Variants in CACHD1 observed in about 807,000 individuals in gnomAD.
CACHD1 encodes VWFA and cache domain-containing protein 1.
In CACHD1, 71 loss-of-function variants were observed where a neutral mutation model predicts 138.7. The observed-to-expected ratio is 0.51, with a 90% CI of 0.42 to 0.62. The LOEUF (loss-of-function observed/expected upper bound fraction) is 0.62, where lower values mean the gene tolerates loss of function less well. Among genes scored for constraint, CACHD1 ranks in the 20% least tolerant of loss-of-function variants. CACHD1 has a pLI of 0.00. For synonymous variants in CACHD1, 578 were observed against 591.5 expected, an observed-to-expected ratio of 0.98 and a Z score of 0.33; for missense variants, 1,389 against 1,625.3, an observed-to-expected ratio of 0.85 and a Z score of 2.50.
chr1:64,479,859 A>G (rs1557456125), intron 1 of CACHD1, among the ~76,000 whole-genome samples: 1 of 152,184 alleles, frequency 6.6e-6, no homozygotes, highest in Non-Finnish European at 1.5e-5. Context: ...GCTTGTGCCC[A>G]AGTTCCTTGT....
chr1:64,491,955 T>TA (rs397974661), intron 1 of CACHD1, among the ~76,000 whole-genome samples: 3 of 151,338 alleles, frequency 2.0e-5, no homozygotes, highest in African/African-American at 7.3e-5. Flanking sequence ...GTTTTTTTTT[T>TA]ATTAATAAAA....
intron 3 of CACHD1, among the ~76,000 whole-genome samples, chr1:64,590,322 C>CAAAA (rs67217249): frequency 7.0e-5 from 6 of 86,204 alleles, no homozygotes; most frequent in Non-Finnish European, 1.2e-4. Context: ...GACTCTGTCT[C>CAAAA]AAAAAAAAAA....
chr1:64,499,965 G>A (rs1165114594), intron 1 of CACHD1, among the ~76,000 whole-genome samples: 1 of 152,238 alleles, frequency 6.6e-6, no homozygotes, highest in Non-Finnish European at 1.5e-5. Context: ...ACACCTGGCT[G>A]AGGATAGGCT....
At chr1:64,522,548 C>G (rs1379276469) in intron 1 of CACHD1, among the ~76,000 whole-genome samples, 1 of 119,126 alleles carries the variant, frequency 8.4e-6, no homozygotes, top group African/African-American at 2.5e-5. Context: ...AGTGATCCGC[C>G]TGCCCGCTTC....
chr1:64,634,702 AATTG>A (rs1446192736), intron 7 of CACHD1, among the ~76,000 whole-genome samples: 1 of 152,132 alleles, frequency 6.6e-6, no homozygotes, highest in Non-Finnish European at 1.5e-5. Context: ...ATTAAAAAAA[AATTG>A]ATTGGGGGCG....
chr1:64,512,045 A>G (rs1646424797), intron 1 of CACHD1, among the ~76,000 whole-genome samples: 1 of 152,168 alleles, frequency 6.6e-6, no homozygotes, highest in Non-Finnish European at 1.5e-5. Flanking sequence ...GGTAGAAATT[A>G]TTATTCACAC....
chr1:64,621,502 A>T (rs1647913531), intron 4 of CACHD1, among the ~76,000 whole-genome samples: 1 of 152,178 alleles, frequency 6.6e-6, no homozygotes, highest in Non-Finnish European at 1.5e-5. Flanking sequence ...AGAGATACTA[A>T]ACACATAGCT....
intron 4 of CACHD1, among the ~76,000 whole-genome samples, chr1:64,627,504 GAC>G (rs1278819201): frequency 5.9e-5 from 9 of 152,100 alleles, no homozygotes; most frequent in African/African-American, 2.2e-4. Flanking sequence ...GTGCCAAGGA[GAC>G]AGAGTAGACC....
chr1:64,474,573 T>G (rs560683359), intron 1 of CACHD1, among the ~76,000 whole-genome samples: 9 of 152,358 alleles, frequency 5.9e-5, no homozygotes, highest in African/African-American at 2.2e-4. Context: ...GGAAGCTTAC[T>G]GAGCATGGAG....
intron 21 of CACHD1, among the ~76,000 whole-genome samples, chr1:64,676,664 C>T (rs749205162): frequency 2.6e-5 from 4 of 152,042 alleles, no homozygotes; most frequent in African/African-American, 2.4e-5. Context: ...TAGTACTTTT[C>T]GTAGAGATGA....
At chr1:64,539,509 T>A (rs1196140395) in intron 1 of CACHD1, among the ~76,000 whole-genome samples, 1 of 152,206 alleles carries the variant, frequency 6.6e-6, no homozygotes, top group Non-Finnish European at 1.5e-5. Context: ...GTATCATAAT[T>A]ATTGGCTTCA....
At chr1:64,608,113 T>C (rs1477827512) in intron 4 of CACHD1, among the ~76,000 whole-genome samples, 1 of 152,156 alleles carries the variant, frequency 6.6e-6, no homozygotes, top group Non-Finnish European at 1.5e-5. Context: ...TATAACCTAC[T>C]ACATAACAAG....
intron 1 of CACHD1, among the ~76,000 whole-genome samples, chr1:64,515,711 A>G (rs1246466010): frequency 6.6e-6 from 1 of 152,168 alleles, no homozygotes; most frequent in Non-Finnish European, 1.5e-5. Context: ...TGTAAAATTA[A>G]TGTATGAAGA....
At chr1:64,563,393 T>C (rs17126675) in intron 2 of CACHD1, among the ~76,000 whole-genome samples, 122,080 of 151,896 alleles carry the variant, frequency 0.8, 51,223 homozygotes, top group Non-Finnish European at 0.92. Context: ...GCTCTAGACA[T>C]GAAGAATTGG....
chr1:64,649,603 C>T (rs780490115), intron 9 of CACHD1, among the ~76,000 whole-genome samples: 2 of 152,226 alleles, frequency 1.3e-5, no homozygotes, highest in Middle Eastern at 3.4e-3. Context: ...CAGTAATTCC[C>T]GTTAATACTG....
At chr1:64,602,264 A>G (rs1026672087) in intron 3 of CACHD1, among the ~76,000 whole-genome samples, 2 of 152,128 alleles carry the variant, frequency 1.3e-5, no homozygotes, top group African/African-American at 4.8e-5. Flanking sequence ...AATAAGTTTT[A>G]TTATCTTTTT....
At chr1:64,534,690 C>T (rs948461953) in intron 1 of CACHD1, among the ~76,000 whole-genome samples, 3 of 152,252 alleles carry the variant, frequency 2.0e-5, no homozygotes. Context: ...TCTTCCAGAG[C>T]CTAGCTTGGG....
At chr1:64,688,908 C>T (rs1650451436) in intron 26 of CACHD1, among the ~76,000 whole-genome samples, 2 of 152,208 alleles carry the variant, frequency 1.3e-5, no homozygotes, top group Non-Finnish European at 2.9e-5. Flanking sequence ...TTTCTCCCAT[C>T]AGGTCTACCC....
intron 1 of CACHD1, among the ~76,000 whole-genome samples, chr1:64,516,859 A>G (rs1291160291): frequency 1.3e-5 from 2 of 152,212 alleles, no homozygotes; most frequent in Non-Finnish European, 2.9e-5. Flanking sequence ...TGTTCCTCCT[A>G]GTAAACAAAA....
Sources: gnomAD v4.1 joint callset for allele counts (sites outside exome capture counted in the v4.1 genomes callset) on GRCh38, gnomAD v4.1.1 for gene constraint, MANE v1.5 for transcripts, NCBI Gene and HGNC (gene_info 2026-07-23, HGNC 2026-07-21) for gene names.